RBFOX3: variants seen among roughly 807,000 people sequenced by gnomAD.
RBFOX3 encodes RNA binding fox-1 homolog 3, also known as RNA binding protein fox-1 homolog 3.
RBFOX3 carries 17 observed loss-of-function variants against 48.7 expected under a neutral mutation model. The ratio of observed to expected loss-of-function variants is 0.35; its 90% CI spans 0.24 to 0.52. The LOEUF (loss-of-function observed/expected upper bound fraction) is 0.52, where lower values mean the gene tolerates loss of function less well. Ranked by LOEUF, RBFOX3 falls within the 20% of genes least tolerant of loss-of-function variation. RBFOX3 has a pLI of 0.94. For synonymous variants in RBFOX3, 212 were observed against 209.5 expected, an observed-to-expected ratio of 1.01 and a Z score of -0.10; for missense variants, 382 against 497.5, an observed-to-expected ratio of 0.77 and a Z score of 2.21.
the RBFOX3 span, among the ~76,000 whole-genome samples, chr17:79,645,928 C>A: frequency 6.6e-6 from 1 of 152,192 alleles, no homozygotes; most frequent in Admixed American, 6.5e-5. Flanking sequence ...AATTCGACAT[C>A]CTTGATTTAG....
rs1255250162 is a variant in RBFOX3, at chr17:79,521,354, TCAGA to T, written c.-319-38760_-319-38757del. On this transcript the variant is annotated intron_variant, in intron 1 of 14. Coordinates refer to ENST00000693108, the MANE Select transcript of RBFOX3 (RefSeq NM_001350451.2). ...CATACACACATTCACACACTCACAC[TCAGA>T]CACAGATGCAAACACACTCAGGCAC... Among the ~76,000 whole-genome samples the T allele has an allele frequency of 4.1e-5, 6 of 147,872 alleles. No individual in the cohort carries two copies. The East Asian group carries it at 1.2e-3, about 30-fold the overall frequency.
intron 4 of RBFOX3, among the ~76,000 whole-genome samples, chr17:79,116,893 G>A (rs536951759): frequency 1.3e-5 from 2 of 152,376 alleles, no homozygotes; most frequent in South Asian, 2.1e-4. Context: ...AGCAGCACCT[G>A]GGAGCTTTTT....
Position 79,094,597 on chromosome 17 carries a change from G to A in RBFOX3, c.999-68C>T, listed in dbSNP as rs1054752142. 8.7e-6 allele frequency: 8 copies of A among 923,742 alleles called. No individual in the cohort carries two copies. In the African/African-American group the frequency reaches 1.1e-4, roughly 12 times the overall value. The allele number at this position is 923,742 out of a possible 1,614,324, so 57.2% of individuals were successfully genotyped here. The stretch of plus-strand genomic sequence containing the variant: ...AGGGGGGCAGGTGAGGGGCAGCAAC[G>A]GCCTCCCACCTCCTCCCAGACACTA... On this transcript the variant is annotated intron_variant, in intron 13 of 14. Coordinates refer to ENST00000693108, the MANE Select transcript of RBFOX3 (RefSeq NM_001350451.2).
At chr17:79,595,036 C>A (rs1200082955) in intron 1 of RBFOX3, among the ~76,000 whole-genome samples, 1 of 152,148 alleles carries the variant, frequency 6.6e-6, no homozygotes, top group African/African-American at 2.4e-5. Flanking sequence ...AAGAACGGAG[C>A]CCTGAGGACA....
chr17:79,455,249 G>A (rs1030632793), intron 2 of RBFOX3, among the ~76,000 whole-genome samples: 4 of 152,206 alleles, frequency 2.6e-5, no homozygotes, highest in East Asian at 1.9e-4. Context: ...CCAAAGACGC[G>A]CAGGCTACCG....
At chr17:79,167,496 C>T (rs1321115052) in intron 4 of RBFOX3, among the ~76,000 whole-genome samples, 1 of 152,216 alleles carries the variant, frequency 6.6e-6, no homozygotes, top group Non-Finnish European at 1.5e-5. Flanking sequence ...AATCCCCCAG[C>T]AGCCTCCCAT....
chr17:79,445,578 C>G (rs1184977201), intron 2 of RBFOX3, among the ~76,000 whole-genome samples: 1 of 152,224 alleles, frequency 6.6e-6, no homozygotes, highest in Non-Finnish European at 1.5e-5. Context: ...CCCTCCTCCC[C>G]TGTGATTTCC....
At chr17:79,164,165 C>T (rs370831665) in intron 4 of RBFOX3, among the ~76,000 whole-genome samples, 1 of 152,134 alleles carries the variant, frequency 6.6e-6, no homozygotes, top group Non-Finnish European at 1.5e-5. Context: ...CCCAGAGATC[C>T]CAGGCCTCTG....
At chr17:79,452,578 T>G (rs2073731217) in intron 2 of RBFOX3, among the ~76,000 whole-genome samples, 2 of 151,092 alleles carry the variant, frequency 1.3e-5, no homozygotes. Flanking sequence ...ACCTTGGAGG[T>G]GGGGGAGTGG....
At chr17:79,153,393 TTC>T (rs1337496488) in intron 4 of RBFOX3, among the ~76,000 whole-genome samples, 2 of 152,198 alleles carry the variant, frequency 1.3e-5, no homozygotes, top group Non-Finnish European at 2.9e-5. Flanking sequence ...TACTAGAAAA[TTC>T]TCTCCACGAG....
intron 2 of RBFOX3, among the ~76,000 whole-genome samples, chr17:79,447,500 G>A (rs1230325362): frequency 6.6e-6 from 1 of 152,186 alleles, no homozygotes; most frequent in Non-Finnish European, 1.5e-5. Context: ...ATTGTGTACG[G>A]TGATACGGTG....
At chr17:79,577,231 G>C (rs905472654) in intron 1 of RBFOX3, among the ~76,000 whole-genome samples, 1 of 152,138 alleles carries the variant, frequency 6.6e-6, no homozygotes, top group Admixed American at 6.5e-5. Context: ...CTAGATTTCC[G>C]ACAATTCTGG....
chr17:79,534,958 G>A (rs1051412099), intron 1 of RBFOX3, among the ~76,000 whole-genome samples: 3 of 152,102 alleles, frequency 2.0e-5, no homozygotes, highest in African/African-American at 7.2e-5. Context: ...GTCTGCTCTG[G>A]GGGACTGCCA....
chr17:79,228,405 T>C (rs980324736), intron 4 of RBFOX3, among the ~76,000 whole-genome samples: 2 of 152,224 alleles, frequency 1.3e-5, no homozygotes, highest in Non-Finnish European at 2.9e-5. Flanking sequence ...TCTCCAGCTG[T>C]AATTAATACT....
At chr17:79,105,476 G>A (rs1026920863) in intron 6 of RBFOX3, among the ~76,000 whole-genome samples, 18 of 151,968 alleles carry the variant, frequency 1.2e-4, no homozygotes, top group African/African-American at 4.4e-4. Flanking sequence ...AGAGAAACCT[G>A]GCAGCTTGCT....
rs942835444 is a variant in RBFOX3 at position 79,378,546 on chromosome 17, C to G, written c.-174-70722G>C. Among the ~76,000 whole-genome samples, 4 of 152,300 alleles carry G rather than the reference C, an allele frequency of 2.6e-5. No individual in the cohort carries two copies. The East Asian group carries it at 5.8e-4, about 22-fold the overall frequency. On this transcript the variant is annotated intron_variant, in intron 2 of 14. Transcript: ENST00000693108. ...CCTTTTGGGATTGTGTTCACAGACCCCAGGAAGCCAAGGACAGGGTTCGGA... is the reference window on the plus strand; with the variant it reads ...CCTTTTGGGATTGTGTTCACAGACCGCAGGAAGCCAAGGACAGGGTTCGGA...
rs1214135983 is a variant in RBFOX3, at chr17:79,199,666, C to A, written c.-34+36100G>T. Among the ~76,000 whole-genome samples, 3 of 152,164 alleles carry A rather than the reference C, an allele frequency of 2.0e-5. No individual in the cohort carries two copies. Among genetic ancestry groups the A allele is most frequent in the Non-Finnish European group, 1.5e-5 (1 of 68,034 alleles). ...ACTCCAATAAAAGTGAGGCTCAGTC[C>A]CTTTGTTGCATGAGCTTCATTTCCA... On this transcript the variant is annotated intron_variant, in intron 4 of 14. Coordinates refer to ENST00000693108, the MANE Select transcript of RBFOX3 (RefSeq NM_001350451.2). The surrounding 1 kb of genome is among the most constrained non-coding windows in gnomAD (Gnocchi z 5.1).
rs2086513839 is a variant in RBFOX3, at chr17:79,362,288, T to C, written c.-174-54464A>G. Among the ~76,000 whole-genome samples the C allele has an allele frequency of 6.6e-6, 1 of 152,208 alleles. No homozygotes were observed. Among genetic ancestry groups the C allele is most frequent in the Non-Finnish European group, 1.5e-5 (1 of 68,038 alleles). ...GGGAAAATGCATCTGTCTCCCTGCG[T>C]TTCTCTGAAGCCAGAATCCCGGCCC... On this transcript the variant is annotated intron_variant, in intron 2 of 14. Transcript: ENST00000693108. This position sits in a 1 kb window ranked among gnomAD's most constrained non-coding sequence, Gnocchi z 4.2.
At chr17:79,160,990 A>C (rs972425698) in intron 4 of RBFOX3, among the ~76,000 whole-genome samples, 12 of 152,164 alleles carry the variant, frequency 7.9e-5, no homozygotes, top group Admixed American at 5.9e-4. Context: ...CAAAAAAAAA[A>C]AAAAAAACAA....
Sources: allele counts gnomAD v4.1 joint callset (sites outside exome capture counted in the v4.1 genomes callset), GRCh38; gene constraint gnomAD v4.1.1; non-coding constraint Gnocchi (gnomAD v3.1); transcripts MANE v1.5; gene names NCBI Gene and HGNC (gene_info 2026-07-23, HGNC 2026-07-21).